The following COL28A1 variants were observed in gnomAD, a reference collection of about 807,000 sequenced individuals.
COL28A1 encodes the protein collagen alpha-1(XXVIII) chain.
COL28A1 carries 161 observed loss-of-function variants against 150.2 expected under a neutral mutation model. The observed-to-expected ratio is 1.07, with a 90% confidence interval of 0.94 to 1.22. COL28A1 has a LOEUF of 1.22. COL28A1 is among the 50% of genes most tolerant of loss of function. The probability of loss-of-function intolerance (pLI) is 0.00; values close to 1 mark genes in which losing one functional copy is unlikely to be tolerated. For missense variants in COL28A1, 1,617 were observed against 1,388.3 expected, an observed-to-expected ratio of 1.16 and a Z score of -2.62; for synonymous variants, 552 against 469.7, an observed-to-expected ratio of 1.18 and a Z score of -2.26.
At chr7:7,484,502 T>A (rs1342733584) in intron 13 of COL28A1, among the ~76,000 whole-genome samples, 1 of 152,054 alleles carries the variant, frequency 6.6e-6, no homozygotes, top group African/African-American at 2.4e-5. Flanking sequence ...TGGGTAAATA[T>A]ATGGGTAAAA....
At chr7:7,493,526 C>G (rs1040022899) in intron 11 of COL28A1, among the ~76,000 whole-genome samples, 1 of 152,118 alleles carries the variant, frequency 6.6e-6, no homozygotes, top group Admixed American at 6.5e-5. Flanking sequence ...AGAGGGATTG[C>G]TCTCCTTTAC....
At chr7:7,407,631 G>T (rs1483285401) in intron 27 of COL28A1, among the ~76,000 whole-genome samples, 1 of 151,806 alleles carries the variant, frequency 6.6e-6, no homozygotes, top group Admixed American at 6.6e-5. Flanking sequence ...ATACTTTCAG[G>T]CAAAGTAAAA....
chr7:7,392,950 T>A (rs1782631018), intron 27 of COL28A1, among the ~76,000 whole-genome samples: 1 of 152,196 alleles, frequency 6.6e-6, no homozygotes, highest in Non-Finnish European at 1.5e-5. Flanking sequence ...GAGTTTGGTA[T>A]TACTCACCTT....
intron 15 of COL28A1, among the ~76,000 whole-genome samples, chr7:7,459,900 A>T (rs1787475991): frequency 6.6e-6 from 1 of 152,208 alleles, no homozygotes; most frequent in African/African-American, 2.4e-5. Flanking sequence ...CACAGACAAA[A>T]ACAGCAAACA....
At chr7:7,368,518 T>G (rs1174542389) in intron 33 of COL28A1, among the ~76,000 whole-genome samples, 1 of 152,186 alleles carries the variant, frequency 6.6e-6, no homozygotes, top group Non-Finnish European at 1.5e-5. Flanking sequence ...AATGTTTATG[T>G]CCCTCCAAAA....
chr7:7,538,249 A>C (rs890857231), upstream of COL28A1, among the ~76,000 whole-genome samples: 1 of 152,232 alleles, frequency 6.6e-6, no homozygotes, highest in African/African-American at 2.4e-5. Context: ...GTCTTGAATT[A>C]GTATGCTATT....
At position 7,405,697 on chromosome 7, in the gene COL28A1, C is replaced by A. The variant is rs577001091; in HGVS notation, c.2136+12162G>T. Among the ~76,000 whole-genome samples the A allele has an allele frequency of 2.0e-5, 3 of 152,228 alleles. No homozygotes were observed. The South Asian group carries it at 6.2e-4, about 32-fold the overall frequency. On this transcript the variant is annotated intron_variant, in intron 27 of 34. Coordinates refer to ENST00000399429, the MANE Select transcript of COL28A1 (RefSeq NM_001037763.3). ...AAAAGCTGTCCATTTCCAAGACAAG[C>A]TTCCTTGTAGAAACCACAACTAGAA...
At chr7:7,455,991 G>A in intron 16 of COL28A1, 53 bp downstream of exon 16, 1 of 1,608,346 alleles carries the variant, frequency 6.2e-7, no homozygotes, top group Non-Finnish European at 8.5e-7. Context: ...ATGAAGACCA[G>A]GATTGGGCTG....
rs1438159661 is a variant in COL28A1 at position 7,375,447 on chromosome 7, T to A, written c.2359+14A>T. Reference sequence around the variant, plus strand: ...ATGCTTTAAAGTGATGTTTTTTCCTTGATCAAATCTTACCACATATTTCTG... The same window carrying A: ...ATGCTTTAAAGTGATGTTTTTTCCTAGATCAAATCTTACCACATATTTCTG... On this transcript the variant is annotated intron_variant, in intron 31 of 34. Coordinates refer to ENST00000399429, the MANE Select transcript of COL28A1 (RefSeq NM_001037763.3). 5 of 1,573,716 alleles carry A rather than the reference T, an allele frequency of 3.2e-6. No homozygotes were observed. In the African/African-American group the frequency reaches 4.1e-5, roughly 13 times the overall value.
chr7:7,451,708 T>C (rs938326075), intron 18 of COL28A1, among the ~76,000 whole-genome samples: 4 of 152,184 alleles, frequency 2.6e-5, no homozygotes, highest in African/African-American at 9.6e-5. Flanking sequence ...TACACATATG[T>C]ATAAACATAT....
intron 8 of COL28A1, among the ~76,000 whole-genome samples, chr7:7,513,400 G>T (rs183947424): frequency 6.6e-6 from 1 of 152,310 alleles, no homozygotes; most frequent in Admixed American, 6.5e-5. Context: ...CCATTAACCT[G>T]ACATTTCTGC....
chr7:7,474,162 C>A (rs1421856233), intron 15 of COL28A1, among the ~76,000 whole-genome samples: 1 of 150,626 alleles, frequency 6.6e-6, no homozygotes, highest in Non-Finnish European at 1.5e-5. Context: ...AGATTGGAGA[C>A]TATCATTCTA....
the COL28A1 span, among the ~76,000 whole-genome samples, chr7:7,351,023 G>T: frequency 6.6e-6 from 1 of 152,094 alleles, no homozygotes; most frequent in Non-Finnish European, 1.5e-5. Flanking sequence ...TATTGATTTA[G>T]AATTCTGACT....
Position 7,409,877 on chromosome 7 carries a change from C to T in COL28A1, c.2136+7982G>A, listed in dbSNP as rs373993116. On this transcript the variant is annotated intron_variant, in intron 27 of 34. Coordinates refer to ENST00000399429, the MANE Select transcript of COL28A1 (RefSeq NM_001037763.3). ...TAGCAAATAGGCAAGAAATATAAGC[C>T]GGTAATAATGATGATTCAAGCCCCA... Among the ~76,000 whole-genome samples, 27 of 152,066 alleles carry T rather than the reference C, an allele frequency of 1.8e-4. No individual in the cohort carries two copies. The East Asian group carries it at 4.6e-3, about 26-fold the overall frequency.
intron 27 of COL28A1, among the ~76,000 whole-genome samples, chr7:7,390,774 T>C (rs1782493349): frequency 6.6e-6 from 1 of 152,260 alleles, no homozygotes; most frequent in Admixed American, 6.5e-5. Flanking sequence ...CTAGTTTATT[T>C]GCATAGAGGT....
the COL28A1 span, among the ~76,000 whole-genome samples, chr7:7,343,664 A>G: frequency 1.3e-5 from 2 of 152,054 alleles, no homozygotes; most frequent in African/African-American, 4.8e-5. Flanking sequence ...TTTGCCTTGT[A>G]TATTTTTCTC....
intron 3 of COL28A1, among the ~76,000 whole-genome samples, chr7:7,529,289 CAAAAA>C (rs5882129): frequency 7.9e-6 from 1 of 127,308 alleles, no homozygotes; most frequent in Non-Finnish European, 1.6e-5. Context: ...AACTCTGTCT[CAAAAA>C]AAAAAAAAAA....
Position 7,434,214 on chromosome 7 carries a change from C to T in COL28A1, c.1861-1514G>A, listed in dbSNP as rs185701151. On this transcript the variant is annotated intron_variant, in intron 23 of 34. Transcript: ENST00000399429. The stretch of plus-strand genomic sequence containing the variant: ...TGGCCACTTATAAAAATTTAACCTA[C>T]TATTCATCATCAACAAAAACTCAAG... Among the ~76,000 whole-genome samples, 16 of 152,282 alleles carry T rather than the reference C, an allele frequency of 1.1e-4. No homozygotes were observed. The East Asian group carries it at 2.9e-3, about 27-fold the overall frequency.
At chr7:7,488,993 T>G (rs1779771768) in intron 13 of COL28A1, among the ~76,000 whole-genome samples, 1 of 152,186 alleles carries the variant, frequency 6.6e-6, no homozygotes, top group African/African-American at 2.4e-5. Context: ...CATATTTATT[T>G]TCATTTGTTG....
Sources: gnomAD v4.1 joint callset for allele counts (sites outside exome capture counted in the v4.1 genomes callset) on GRCh38, gnomAD v4.1.1 for gene constraint, MANE v1.5 for transcripts, NCBI Gene and HGNC (gene_info 2026-07-23, HGNC 2026-07-21) for gene names.